The following NKAIN3 variants were observed in gnomAD, a reference collection of about 807,000 sequenced individuals.
The protein encoded by NKAIN3 is sodium/potassium-transporting ATPase subunit beta-1-interacting protein 3.
A neutral mutation model predicts 30.2 loss-of-function variants in NKAIN3; 25 were observed. The observed-to-expected ratio is 0.83, with a 90% CI of 0.60 to 1.16. NKAIN3 has a LOEUF of 1.16. Ranked by LOEUF, NKAIN3 falls within the 50% of genes most tolerant of loss-of-function variation. The pLI is 0.00. For synonymous variants in NKAIN3, 91 were observed against 89.6 expected, an observed-to-expected ratio of 1.02 and a Z score of -0.09; for missense variants, 225 against 254.1, an observed-to-expected ratio of 0.89 and a Z score of 0.78.
chr8:62,514,540 T>A (rs1280864786), intron 1 of NKAIN3, among the ~76,000 whole-genome samples: 1 of 152,196 alleles, frequency 6.6e-6, no homozygotes, highest in Non-Finnish European at 1.5e-5. Flanking sequence ...AATATGAGAT[T>A]GTTAGTCACA....
chr8:62,465,556 C>T (rs1006677631), intron 1 of NKAIN3, among the ~76,000 whole-genome samples: 1 of 152,148 alleles, frequency 6.6e-6, no homozygotes, highest in African/African-American at 2.4e-5. Context: ...TAGTCATTTT[C>T]CTATATTAAT....
chr8:62,408,549 T>A (rs1370672693), intron 1 of NKAIN3, among the ~76,000 whole-genome samples: 1 of 152,214 alleles, frequency 6.6e-6, no homozygotes. Context: ...TTAGCAGAGA[T>A]CTTTAAAAAC....
intron 1 of NKAIN3, among the ~76,000 whole-genome samples, chr8:62,287,672 G>A (rs1157254624): frequency 6.6e-6 from 1 of 151,950 alleles, no homozygotes; most frequent in Non-Finnish European, 1.5e-5. Context: ...TCTCTTAGGA[G>A]TTTTTTTATG....
chr8:62,859,168 C>T (rs1820160958), intron 4 of NKAIN3, among the ~76,000 whole-genome samples: 1 of 152,128 alleles, frequency 6.6e-6, no homozygotes. Context: ...CTTCCTTTAA[C>T]TGGATATGGG....
chr8:62,863,130 T>G, intron 4 of NKAIN3: 1 of 1,450,832 alleles, frequency 6.9e-7, no homozygotes, highest in Non-Finnish European at 9.6e-7. Context: ...AAGGTGCAGC[T>G]GAGGTGATGT....
intron 1 of NKAIN3, among the ~76,000 whole-genome samples, chr8:62,515,675 A>G (rs556391040): frequency 1.4e-4 from 21 of 152,264 alleles, no homozygotes; most frequent in African/African-American, 4.8e-4. Context: ...GAAACGCTAC[A>G]TTAATTTACA....
In NKAIN3 at chr8:62,563,731, AT is replaced by A. The variant is rs374311979; in HGVS notation, c.55-15803del. 5.3e-5 allele frequency among the ~76,000 whole-genome samples: 8 copies of A among 152,268 alleles called. No individual in the cohort carries two copies. In the East Asian group the frequency reaches 1.4e-3, roughly 26 times the overall value. ...TCTCACAGTGAATAACCCAAAAGTTATTTTTAGCAGGCTTTAGGTTTCTCTA... is the reference window on the plus strand; with the variant it reads ...TCTCACAGTGAATAACCCAAAAGTTATTTTAGCAGGCTTTAGGTTTCTCTA... On this transcript the variant is annotated intron_variant, in intron 1 of 6. Coordinates refer to ENST00000623646, the MANE Select transcript of NKAIN3 (RefSeq NM_001304533.3).
chr8:62,874,857 A>T (rs1820746792), intron 4 of NKAIN3, among the ~76,000 whole-genome samples: 1 of 152,190 alleles, frequency 6.6e-6, no homozygotes, highest in Non-Finnish European at 1.5e-5. Flanking sequence ...TACAGCCAAT[A>T]TCCTATTGAA....
intron 1 of NKAIN3, among the ~76,000 whole-genome samples, chr8:62,350,592 A>C (rs1417789372): frequency 1.3e-5 from 2 of 152,228 alleles, no homozygotes; most frequent in Admixed American, 1.3e-4. Flanking sequence ...TGAAATGTAC[A>C]CTAATAAATG....
At chr8:62,421,837 T>C (rs1440762972) in intron 1 of NKAIN3, among the ~76,000 whole-genome samples, 1 of 152,060 alleles carries the variant, frequency 6.6e-6, no homozygotes, top group African/African-American at 2.4e-5. Context: ...ATTTTTTATA[T>C]ATTGGGGAAA....
At chr8:62,553,839 T>C (rs900525167) in intron 1 of NKAIN3, among the ~76,000 whole-genome samples, 1 of 152,108 alleles carries the variant, frequency 6.6e-6, no homozygotes, top group Non-Finnish European at 1.5e-5. Context: ...CACCTGGCCC[T>C]GAACACATTC....
chr8:62,443,595 C>G (rs1030742109), intron 1 of NKAIN3, among the ~76,000 whole-genome samples: 4 of 151,854 alleles, frequency 2.6e-5, no homozygotes, highest in African/African-American at 9.7e-5. Context: ...CTTGGCCAGG[C>G]TAGTCTTGAA....
At chr8:62,889,534 T>C (rs1292783822) in intron 4 of NKAIN3, among the ~76,000 whole-genome samples, 2 of 152,196 alleles carry the variant, frequency 1.3e-5, no homozygotes, top group African/African-American at 4.8e-5. Context: ...CCATCACTTC[T>C]CACTGATAAA....
At chr8:62,669,428 A>C (rs1275422613) in intron 3 of NKAIN3, among the ~76,000 whole-genome samples, 1 of 152,198 alleles carries the variant, frequency 6.6e-6, no homozygotes, top group East Asian at 1.9e-4. Context: ...GATCTCTTGA[A>C]ACTGTGACCC....
intron 1 of NKAIN3, among the ~76,000 whole-genome samples, chr8:62,441,560 C>G (rs1805325645): frequency 6.6e-6 from 1 of 151,646 alleles, no homozygotes; most frequent in South Asian, 2.1e-4. Flanking sequence ...TTATTTTTTA[C>G]TTGATTATGC....
At chr8:62,559,987 T>C (rs553129868) in intron 1 of NKAIN3, among the ~76,000 whole-genome samples, 1 of 152,152 alleles carries the variant, frequency 6.6e-6, no homozygotes, top group Non-Finnish European at 1.5e-5. Context: ...TTTCTTTATC[T>C]GAGACTGTCC....
At chr8:62,267,889 T>C (rs192439628) in intron 1 of NKAIN3, among the ~76,000 whole-genome samples, 3 of 152,342 alleles carry the variant, frequency 2.0e-5, no homozygotes, top group Admixed American at 2.0e-4. Context: ...ATAGCAACTT[T>C]AATGTATCAT....
intron 3 of NKAIN3, among the ~76,000 whole-genome samples, chr8:62,733,499 T>C (rs899749417): frequency 1.3e-5 from 2 of 152,206 alleles, no homozygotes; most frequent in African/African-American, 4.8e-5. Context: ...ATTGTTGCTG[T>C]TGACAACCAC....
At chr8:62,764,653 C>A (rs752825631) in intron 4 of NKAIN3, among the ~76,000 whole-genome samples, 11 of 152,026 alleles carry the variant, frequency 7.2e-5, no homozygotes, top group Non-Finnish European at 1.5e-4. Context: ...TTTGTAGATA[C>A]AAGGTCTCAA....
Sources: allele counts gnomAD v4.1 joint callset (sites outside exome capture counted in the v4.1 genomes callset), GRCh38; gene constraint gnomAD v4.1.1; transcripts MANE v1.5; gene names NCBI Gene and HGNC (gene_info 2026-07-23, HGNC 2026-07-21).